COBLL1: variants seen among roughly 807,000 people sequenced by gnomAD.
COBLL1 encodes the protein cordon-bleu WH2 repeat protein like 1, also known as cordon-bleu protein-like 1.
Under a neutral mutation model 94.8 loss-of-function variants are expected in COBLL1, and 50 were observed. That is an observed-to-expected ratio of 0.53 (90% CI 0.42 to 0.67). The LOEUF (loss-of-function observed/expected upper bound fraction) is 0.67. Among genes scored for constraint, COBLL1 ranks in the 30% least tolerant of loss-of-function variants. The probability of loss-of-function intolerance (pLI) is 0.00; values close to 1 mark genes in which losing one functional copy is unlikely to be tolerated. For missense variants in COBLL1, 1,362 were observed against 1,348.7 expected (o/e 1.01, Z -0.15); for synonymous variants, 448 against 473.8 (o/e 0.95, Z 0.71).
At chr2:164,762,696 C>CTT (rs71028440) in intron 2 of COBLL1, among the ~76,000 whole-genome samples, 13,052 of 132,686 alleles carry the variant, frequency 0.098, 779 homozygotes, top group Non-Finnish European at 0.11. Context: ...GCCTATCATC[C>CTT]TTTTTTTTTT....
intron 7 of COBLL1, among the ~76,000 whole-genome samples, chr2:164,706,786 T>C (rs953865803): frequency 6.6e-5 from 10 of 152,170 alleles, no homozygotes; most frequent in Non-Finnish European, 1.2e-4. Flanking sequence ...AGACTCCATC[T>C]CCACATTGTT....
chr2:164,697,021 T>TA (rs989374879), intron 11 of COBLL1: 2 of 152,090 alleles, frequency 1.3e-5, no homozygotes, highest in African/African-American at 4.8e-5. Flanking sequence ...GTACACTGCC[T>TA]AAAATGTAAT....
chr2:164,835,639 G>A (rs1164929152), intron 2 of COBLL1, among the ~76,000 whole-genome samples: 1 of 152,112 alleles, frequency 6.6e-6, no homozygotes, highest in East Asian at 1.9e-4. Context: ...GGCTAAGATG[G>A]TAAATTTTAT....
At chr2:164,783,116 T>G (rs1464711254) in intron 2 of COBLL1, among the ~76,000 whole-genome samples, 1 of 152,162 alleles carries the variant, frequency 6.6e-6, no homozygotes, top group Admixed American at 6.5e-5. Flanking sequence ...AAAGGCAAGA[T>G]GAAGGACAGG....
intron 7 of COBLL1, among the ~76,000 whole-genome samples, chr2:164,707,799 C>G (rs1054728492): frequency 1.3e-5 from 2 of 152,136 alleles, no homozygotes; most frequent in African/African-American, 4.8e-5. Context: ...TCTAGTCTTA[C>G]AAGACAACGT....
rs757570130 is a variant in COBLL1 at position 164,778,726 on chromosome 2, GGATT to G, written c.42-34855_42-34852del. On this transcript the variant is annotated intron_variant, in intron 2 of 13. Transcript: ENST00000652658. The stretch of plus-strand genomic sequence containing the variant: ...GATATCATTATAATGAAAATGGAAG[GGATT>G]GATTAAAAGGTTAAGACCAGGGACA... Among the ~76,000 whole-genome samples, 16 of 152,172 alleles carry G rather than the reference GGATT, an allele frequency of 1.1e-4. No individual in the cohort carries two copies. In the South Asian group the frequency reaches 3.3e-3, roughly 32 times the overall value.
rs1683162631 is a variant in COBLL1 at position 164,683,934 on chromosome 2, C to T, written c.*2012G>A. 1 of 152,098 alleles carries T rather than the reference C, an allele frequency of 6.6e-6. No homozygotes were observed. Among genetic ancestry groups the T allele is most frequent in the Admixed American group, 6.6e-5 (1 of 15,250 alleles). 9.4% of individuals were successfully genotyped at this position (152,098 alleles called of 1,614,324 possible). On this transcript the variant is annotated 3_prime_UTR_variant, in exon 14 of 14. Transcript: ENST00000652658. ...CCGTGAACATTTTTGCAGATGTCTC[C>T]TTATGCATGTGCATAAGTACTTATT...
At chr2:164,774,230 G>T (rs1688353261) in intron 2 of COBLL1, among the ~76,000 whole-genome samples, 1 of 151,982 alleles carries the variant, frequency 6.6e-6, no homozygotes, top group African/African-American at 2.4e-5. Context: ...TTTGTAAAAA[G>T]AAAAAAAGAA....
At chr2:164,715,682 C>T (rs1018180965) in intron 7 of COBLL1, among the ~76,000 whole-genome samples, 1 of 151,772 alleles carries the variant, frequency 6.6e-6, no homozygotes, top group African/African-American at 2.4e-5. Context: ...AAAATTAAGT[C>T]AGTTATTTTA....
chr2:164,729,288 A>T (rs553719773), intron 4 of COBLL1, among the ~76,000 whole-genome samples: 1 of 151,920 alleles, frequency 6.6e-6, no homozygotes, highest in African/African-American at 2.4e-5. Context: ...TAAAATGAAA[A>T]TGGTTGATGT....
chr2:164,730,091 T>C lies in COBLL1; in HGVS notation c.255A>G (p.Ile85Met). The C allele has an allele frequency of 1.2e-6, 2 of 1,613,830 alleles. No individual in the cohort carries two copies. Among genetic ancestry groups the C allele is most frequent in the Non-Finnish European group, 1.7e-6 (2 of 1,179,764 alleles). Residue 85 changes from isoleucine (I) to methionine (M), a missense_variant, in exon 4 of 14, where the codon ATA (isoleucine) becomes ATG (methionine). Ile to Met is a conservative substitution (Grantham distance 10). Coordinates refer to ENST00000652658, the MANE Select transcript of COBLL1 (RefSeq NM_001365672.2). Reference protein sequence around the residue: ...HGSKPMMDLLIFLCAQYHLNP... With the variant: ...HGSKPMMDLLMFLCAQYHLNP... ...TTAAGTGATACTGTGCACAAAGGAA[T>C]ATCAACAAGTCCATCATAGGTTTAC...
intron 11 of COBLL1, chr2:164,696,383 T>A (rs528997308): frequency 7.2e-5 from 11 of 152,330 alleles, no homozygotes; most frequent in African/African-American, 2.6e-4. Flanking sequence ...AATGAAGGCC[T>A]TAACAGAAAA....
At chr2:164,820,689 G>T (rs1389666028) in intron 2 of COBLL1, among the ~76,000 whole-genome samples, 1 of 152,046 alleles carries the variant, frequency 6.6e-6, no homozygotes, top group Non-Finnish European at 1.5e-5. Flanking sequence ...TTCAAAATGT[G>T]GGCACACTCT....
intron 2 of COBLL1, among the ~76,000 whole-genome samples, chr2:164,804,380 T>C (rs904817365): frequency 6.6e-6 from 1 of 152,088 alleles, no homozygotes; most frequent in African/African-American, 2.4e-5. Flanking sequence ...TTTTTAAAAA[T>C]GAAAATGAAA....
rs181471361 is a variant in COBLL1, at chr2:164,661,663, T to C, written n.181+4184A>G. 2.0e-5 allele frequency among the ~76,000 whole-genome samples: 3 copies of C among 152,282 alleles called. No homozygotes were observed. The East Asian group carries it at 5.8e-4, about 29-fold the overall frequency. The stretch of plus-strand genomic sequence containing the variant: ...AATGTAGATGTCATAGGTATTTTCA[T>C]GAGAATCACACTTCAATGTGCCATT... On this transcript the variant is annotated intron_variant and non_coding_transcript_variant, in intron 2 of 2. Transcript: ENST00000495084.
chr2:164,697,645 G>A (rs1409935066), intron 11 of COBLL1: 1 of 151,952 alleles, frequency 6.6e-6, no homozygotes, highest in African/African-American at 2.4e-5. Flanking sequence ...TTGAATCCCC[G>A]TTTAAAAACC....
At chr2:164,749,555 G>T (rs975924008) in intron 2 of COBLL1, among the ~76,000 whole-genome samples, 10 of 152,194 alleles carry the variant, frequency 6.6e-5, no homozygotes, top group African/African-American at 2.2e-4. Flanking sequence ...TTCTCAACAC[G>T]ATTTCTCAGT....
intron 2 of COBLL1, among the ~76,000 whole-genome samples, chr2:164,792,956 T>C (rs1683266699): frequency 6.6e-6 from 1 of 151,932 alleles, no homozygotes; most frequent in South Asian, 2.1e-4. Context: ...ACCCTACAGT[T>C]CCTCCCCATA....
Position 164,736,175 on chromosome 2 carries a change from G to A in COBLL1, c.231-6060C>T, listed in dbSNP as rs148639789. ...AGTTTCATATCTGTACCTTGTAAGT[G>A]CACACCAACAACCCAATTACACATA... On this transcript the variant is annotated intron_variant, in intron 3 of 13. Coordinates refer to ENST00000652658, the MANE Select transcript of COBLL1 (RefSeq NM_001365672.2). Among the ~76,000 whole-genome samples the A allele has an allele frequency of 1.9e-4, 29 of 152,122 alleles. No individual in the cohort carries two copies. The East Asian group carries it at 3.7e-3, about 19-fold the overall frequency.
Sources: allele counts gnomAD v4.1 joint callset (sites outside exome capture counted in the v4.1 genomes callset), GRCh38; gene constraint gnomAD v4.1.1; transcripts MANE v1.5; gene names NCBI Gene and HGNC (gene_info 2026-07-23, HGNC 2026-07-21).